IKZF1: variants seen among roughly 807,000 people sequenced by gnomAD.
IKZF1 encodes IKAROS family zinc finger 1.
Under a neutral mutation model 51.7 loss-of-function variants are expected in IKZF1, and 10 were observed. That is an observed-to-expected ratio of 0.19 (90% CI 0.12 to 0.33). The LOEUF is 0.33. IKZF1 is among the 10% of genes least tolerant of loss of function. The pLI is 1.00. For synonymous variants in IKZF1, 280 were observed against 282.3 expected, an observed-to-expected ratio of 0.99 and a Z score of 0.08; for missense variants, 484 against 707.5, an observed-to-expected ratio of 0.68 and a Z score of 3.58.
chr7:50,328,592 A>G (rs2153386861), intron 3 of IKZF1: 1 of 152,352 alleles, frequency 6.6e-6, no homozygotes, highest in East Asian at 1.9e-4. Context: ...ATAAAAGAAT[A>G]TGAAGGACAT....
At chr7:50,330,050 C>T (rs1796099231) in intron 3 of IKZF1, among the ~76,000 whole-genome samples, 1 of 152,134 alleles carries the variant, frequency 6.6e-6, no homozygotes, top group African/African-American at 2.4e-5. Context: ...ATCTGGTTGG[C>T]ATTACTGATG....
At chr7:50,349,085 G>A (rs1801154416) in intron 3 of IKZF1, among the ~76,000 whole-genome samples, 1 of 152,176 alleles carries the variant, frequency 6.6e-6, no homozygotes, top group South Asian at 2.1e-4. Context: ...CAACTGGTAT[G>A]AACCCACATC....
chr7:50,348,120 A>T (rs971092733), intron 3 of IKZF1, among the ~76,000 whole-genome samples: 1 of 152,262 alleles, frequency 6.6e-6, no homozygotes, highest in Non-Finnish European at 1.5e-5. Context: ...CTGATATGCC[A>T]GGGACATTTC....
intron 3 of IKZF1, among the ~76,000 whole-genome samples, chr7:50,363,558 C>T (rs1205281817): frequency 6.6e-6 from 1 of 152,178 alleles, no homozygotes; most frequent in African/African-American, 2.4e-5. Flanking sequence ...CCCTGGGTCC[C>T]ACTGAACTTG....
At chr7:50,323,422 A>G (rs1224005698) in intron 2 of IKZF1, among the ~76,000 whole-genome samples, 2 of 152,238 alleles carry the variant, frequency 1.3e-5, no homozygotes, top group African/African-American at 4.8e-5. Context: ...AACCTCATGC[A>G]TTTAGGAGAG....
chr7:50,399,947 G>A lies in IKZF1; in HGVS notation c.880G>A (p.Asp294Asn), dbSNP rs773981346. ...GDKGLSDTPYDSSASYEKENE... is the reference protein window; with the variant it reads ...GDKGLSDTPYNSSASYEKENE... Reference sequence around the variant, plus strand: ...CAAGGGCCTGTCCGACACGCCCTACGACAGCAGCGCCAGCTACGAGAAGGA... The same window carrying A: ...CAAGGGCCTGTCCGACACGCCCTACAACAGCAGCGCCAGCTACGAGAAGGA... The change falls in exon 8 of 8, where the codon GAC becomes AAC. Residue 294 changes from aspartate (D) to asparagine (N), a missense_variant. Physicochemically the swap from Asp to Asn is conservative, Grantham distance 23. Around this residue, in one of 6 missense-constraint regions of IKZF1, gnomAD observed 172 missense variants for 192.7 expected, o/e 0.89. Transcript: ENST00000331340. 1 of 1,613,226 alleles carries A rather than the reference G, an allele frequency of 6.2e-7. No homozygotes were observed. The highest frequency in any genetic ancestry group is 1.1e-5 in the South Asian group (1 of 90,792).
chr7:50,375,981 T>G (rs1429185054), intron 3 of IKZF1, among the ~76,000 whole-genome samples: 2 of 152,336 alleles, frequency 1.3e-5, no homozygotes, highest in Non-Finnish European at 2.9e-5. Context: ...TTTTTATGTT[T>G]ACTGAGTTTT....
Position 50,308,419 on chromosome 7 carries a change from G to A in IKZF1, c.-15+3497G>A, listed in dbSNP as rs115940177. Reference sequence around the variant, plus strand: ...ACCTGGTAATAAACTGTTAAAAATGGTGCAAACCCTAGGTCACAGGTGTGG... The same window carrying A: ...ACCTGGTAATAAACTGTTAAAAATGATGCAAACCCTAGGTCACAGGTGTGG... On this transcript the variant is annotated intron_variant, in intron 1 of 7. Transcript: ENST00000331340. Among the ~76,000 whole-genome samples the A allele has an allele frequency of 4.5e-3, 692 of 152,358 alleles. 9 individuals carry two copies. Among genetic ancestry groups the A allele is most frequent in the African/African-American group, 0.016 (668 of 41,570 alleles).
chr7:50,349,040 C>G (rs75076973), intron 3 of IKZF1, among the ~76,000 whole-genome samples: 3,227 of 152,220 alleles, frequency 0.021, 57 homozygotes, highest in Non-Finnish European at 0.026. Context: ...GTTTATAACA[C>G]GAACGGAGGT....
intron 3 of IKZF1, among the ~76,000 whole-genome samples, chr7:50,339,130 C>T (rs1283310965): frequency 2.0e-5 from 3 of 151,902 alleles, no homozygotes; most frequent in African/African-American, 7.3e-5. Context: ...TTTATCTGTG[C>T]ACCACTAGCT....
At chr7:50,399,137 T>TA (rs1008051436) in intron 7 of IKZF1, among the ~76,000 whole-genome samples, 1 of 152,182 alleles carries the variant, frequency 6.6e-6, no homozygotes, top group Non-Finnish European at 1.5e-5. Flanking sequence ...TCATTACTTT[T>TA]AAAAAATAAC....
intron 1 of IKZF1, among the ~76,000 whole-genome samples, chr7:50,307,832 G>A (rs1350254982): frequency 1.3e-5 from 2 of 152,062 alleles, no homozygotes; most frequent in Admixed American, 6.5e-5. Flanking sequence ...ATTCAGATGA[G>A]GAACAAGATA....
intron 6 of IKZF1, among the ~76,000 whole-genome samples, chr7:50,388,210 A>G (rs533766513): frequency 1.3e-5 from 2 of 152,370 alleles, no homozygotes; most frequent in South Asian, 4.1e-4. Context: ...AGCAATTTAT[A>G]AAGAGATCAA....
intron 1 of IKZF1, among the ~76,000 whole-genome samples, chr7:50,306,031 T>G (rs1234095721): frequency 2.0e-5 from 3 of 152,222 alleles, no homozygotes; most frequent in Non-Finnish European, 4.4e-5. Flanking sequence ...AAAGTAACAA[T>G]TTCAGTATTA....
At chr7:50,368,323 T>C (rs748315503) in intron 3 of IKZF1, 3 of 703,220 alleles carry the variant, frequency 4.3e-6, no homozygotes, top group Non-Finnish European at 7.8e-6. Context: ...ACTGATGGGA[T>C]TGTTACTTCG....
At chr7:50,349,268 G>A (rs1286409884) in intron 3 of IKZF1, among the ~76,000 whole-genome samples, 1 of 152,190 alleles carries the variant, frequency 6.6e-6, no homozygotes, top group African/African-American at 2.4e-5. Flanking sequence ...AGGGAAATCT[G>A]ACTATATAGC....
intron 3 of IKZF1, among the ~76,000 whole-genome samples, chr7:50,354,679 T>C (rs2153435429): frequency 6.6e-6 from 1 of 152,204 alleles, no homozygotes; most frequent in South Asian, 2.1e-4. Context: ...CATTACCCTC[T>C]CTAGCATTTC....
At chr7:50,369,898 A>G (rs1013802123) in intron 3 of IKZF1, among the ~76,000 whole-genome samples, 1 of 152,202 alleles carries the variant, frequency 6.6e-6, no homozygotes, top group African/African-American at 2.4e-5. Flanking sequence ...TGGGACGAAA[A>G]CAACCTTCTA....
At chr7:50,392,451 A>G (rs1287581903) in intron 7 of IKZF1, among the ~76,000 whole-genome samples, 1 of 152,124 alleles carries the variant, frequency 6.6e-6, no homozygotes. Context: ...CAGAGTAGGT[A>G]TTAGACACAC....
Sources: gnomAD v4.1 joint callset for allele counts (sites outside exome capture counted in the v4.1 genomes callset) on GRCh38, gnomAD v4.1.1 for gene constraint, gnomAD v4.1.1 regional missense constraint, MANE v1.5 for transcripts, NCBI Gene and HGNC (gene_info 2026-07-23, HGNC 2026-07-21) for gene names.